Variants in PCDHGA3 observed in about 807,000 individuals in gnomAD.
PCDHGA3 encodes the protein protocadherin gamma subfamily A, 3, also known as protocadherin gamma-A3.
In PCDHGA3, 40 loss-of-function variants were observed where a neutral mutation model predicts 58.5. That is an observed-to-expected ratio of 0.68 (90% CI 0.53 to 0.89). PCDHGA3 has a LOEUF of 0.89. Ranked by LOEUF, PCDHGA3 falls within the 40% of genes least tolerant of loss-of-function variation. PCDHGA3 has a pLI of 0.00. For missense variants in PCDHGA3, 1,223 were observed against 1,195.9 expected (o/e 1.02, Z -0.33); for synonymous variants, 530 against 525.7 (o/e 1.01, Z -0.11).
chr5:141,391,728 T>C (rs2092412871), intron 1 of PCDHGA3: 1 of 152,222 alleles, frequency 6.6e-6, no homozygotes, highest in East Asian at 1.9e-4. Flanking sequence ...ACAGACTTTT[T>C]TGTAGTCATA....
chr5:141,441,768 T>C, intron 1 of PCDHGA3: 1 of 387,074 alleles, frequency 2.6e-6, no homozygotes. Context: ...CCTGCGCGTG[T>C]TGGTGGACGA....
intron 1 of PCDHGA3, chr5:141,394,701 C>A (rs375281416): frequency 5.0e-6 from 8 of 1,613,162 alleles, no homozygotes; most frequent in Non-Finnish European, 6.8e-6. Flanking sequence ...GCGCACGGCG[C>A]GAGCCCTGCT....
chr5:141,487,237 T>G lies in PCDHGA3; in HGVS notation c.2425-7570T>G, dbSNP rs1327004790. ...CAGCTCCAAGGGAAGGAGAATCTCGTCTAACCCTCTACTTGGCTGTGTCCC... is the reference window on the plus strand; with the variant it reads ...CAGCTCCAAGGGAAGGAGAATCTCGGCTAACCCTCTACTTGGCTGTGTCCC... On this transcript the variant is annotated intron_variant, in intron 1 of 3. Transcript: ENST00000253812. This position sits in a 1 kb window ranked among gnomAD's most constrained non-coding sequence, Gnocchi z 5.0. 1.2e-6 allele frequency: 2 copies of G among 1,614,004 alleles called. No individual in the cohort carries two copies. The highest frequency in any genetic ancestry group is 1.7e-6 in the Non-Finnish European group (2 of 1,179,988).
intron 1 of PCDHGA3, chr5:141,352,719 G>T (rs1302952599): frequency 1.3e-6 from 2 of 1,536,882 alleles, no homozygotes; most frequent in Non-Finnish European, 1.8e-6. Context: ...GCCGGGCGCG[G>T]TGGCTCAAGC....
intron 1 of PCDHGA3, among the ~76,000 whole-genome samples, chr5:141,455,594 G>A (rs1263100982): frequency 6.6e-6 from 1 of 152,112 alleles, no homozygotes; most frequent in Non-Finnish European, 1.5e-5. Context: ...ATATGCAAAC[G>A]TAGGGCGCCA....
intron 1 of PCDHGA3, chr5:141,418,093 C>G: frequency 8.1e-6 from 13 of 1,614,032 alleles, no homozygotes; most frequent in Non-Finnish European, 1.1e-5. Flanking sequence ...TCAGCGTAGA[C>G]GCGCAGAGCG....
intron 1 of PCDHGA3, among the ~76,000 whole-genome samples, chr5:141,435,395 C>T (rs946113643): frequency 5.3e-5 from 8 of 152,198 alleles, no homozygotes; most frequent in East Asian, 3.9e-4. Context: ...ATTGCCATGA[C>T]GAAAAATGGT....
intron 1 of PCDHGA3, chr5:141,413,494 G>C: frequency 6.2e-7 from 1 of 1,614,042 alleles, no homozygotes; most frequent in Non-Finnish European, 8.5e-7. Flanking sequence ...CGCGCGGTGC[G>C]TGGTGAGTTT....
chr5:141,433,642 C>A (rs1457700205), intron 1 of PCDHGA3, among the ~76,000 whole-genome samples: 2 of 152,170 alleles, frequency 1.3e-5, no homozygotes, highest in South Asian at 2.1e-4. Context: ...TTGAGACCAG[C>A]CTGACCAACA....
In PCDHGA3 at chr5:141,485,701, A is replaced by G. The variant is rs747748476; in HGVS notation, c.2425-9106A>G. The G allele has an allele frequency of 1.9e-6, 3 of 1,614,104 alleles. No homozygotes were observed. Among genetic ancestry groups the G allele is most frequent in the Non-Finnish European group, 2.5e-6 (3 of 1,180,010 alleles). On this transcript the variant is annotated intron_variant, in intron 1 of 3. Transcript: ENST00000253812. The surrounding 1 kb of genome is among the most constrained non-coding windows in gnomAD (Gnocchi z 5.7). ...GCAGCTATAGGCTGAGCTCCAATGAACACTTTGCACTGGATGTGAAGAAGC... is the reference window on the plus strand; with the variant it reads ...GCAGCTATAGGCTGAGCTCCAATGAGCACTTTGCACTGGATGTGAAGAAGC...
At chr5:141,352,469 CCCAACCACAGCGAGGGGACTTTG>C (rs1561503439) in intron 1 of PCDHGA3, 1 of 1,614,014 alleles carries the variant, frequency 6.2e-7, no homozygotes, top group South Asian at 1.1e-5. Context: ...CGGGGTTCCT[CCCAACCACAGCGAGGGGACTTTG>C]CCCTATTCCT....
chr5:141,377,843 A>C (rs1774391445), intron 1 of PCDHGA3: 1 of 152,166 alleles, frequency 6.6e-6, no homozygotes, highest in Admixed American at 6.5e-5. Flanking sequence ...ATTATCTTCC[A>C]ATTAAAATTA....
chr5:141,352,305 C>A, intron 1 of PCDHGA3: 3 of 1,614,070 alleles, frequency 1.9e-6, no homozygotes, highest in East Asian at 2.2e-5. Context: ...GACCCCCAGA[C>A]GGAACTGCAG....
Position 141,344,838 on chromosome 5 carries a change from C to G in PCDHGA3, c.805C>G (p.Pro269Ala), listed in dbSNP as rs770956068. The G allele has an allele frequency of 3.7e-6, 6 of 1,613,816 alleles. No individual in the cohort carries two copies. Among genetic ancestry groups the G allele is most frequent in the South Asian group, 3.3e-5 (3 of 91,072 alleles). Reference protein sequence around the residue: ...TRLLTVNATDPDEGFNAQVSY... With the variant: ...TRLLTVNATDADEGFNAQVSY... ...GCTGCTCACGGTGAATGCCACTGAC[C>G]CTGACGAGGGATTCAATGCTCAAGT... is the stretch of plus-strand genomic sequence containing the variant. Residue 269 changes from proline (P) to alanine (A), a missense_variant, in exon 1 of 4, where the codon CCT (proline) becomes GCT (alanine). Transcript: ENST00000253812.
intron 1 of PCDHGA3, chr5:141,409,913 G>A: frequency 6.2e-7 from 1 of 1,613,334 alleles, no homozygotes; most frequent in South Asian, 1.1e-5. Flanking sequence ...GGGTCCTGAC[G>A]GCTCCGCGTT....
At chr5:141,382,833 C>T (rs1017641917) in intron 1 of PCDHGA3, 11 of 1,423,922 alleles carry the variant, frequency 7.7e-6, no homozygotes, top group South Asian at 1.4e-5. Flanking sequence ...GAGGGGTCCA[C>T]CCGGATACAC....
intron 1 of PCDHGA3, among the ~76,000 whole-genome samples, chr5:141,381,944 C>G (rs1777787484): frequency 6.7e-6 from 1 of 149,738 alleles, no homozygotes; most frequent in African/African-American, 2.5e-5. Context: ...ATTTTCCTGC[C>G]TCAGCCTCCT....
intron 1 of PCDHGA3, chr5:141,374,138 C>G: frequency 6.2e-7 from 1 of 1,608,824 alleles, no homozygotes; most frequent in Non-Finnish European, 8.5e-7. Context: ...GCTCCTCACG[C>G]TCCTGGGGAC....
chr5:141,399,361 C>A (rs375619778), intron 1 of PCDHGA3: 1 of 1,613,960 alleles, frequency 6.2e-7, no homozygotes. Context: ...AGAGCAAACC[C>A]CGGAGTACAA....
Sources: allele counts gnomAD v4.1 joint callset (sites outside exome capture counted in the v4.1 genomes callset), GRCh38; gene constraint gnomAD v4.1.1; non-coding constraint Gnocchi (gnomAD v3.1); transcripts MANE v1.5; gene names NCBI Gene and HGNC (gene_info 2026-07-23, HGNC 2026-07-21).